Variants in HTT observed in about 807,000 individuals in gnomAD.
HTT encodes huntingtin.
In HTT, 104 loss-of-function variants were observed where a neutral mutation model predicts 362.3. The ratio of observed to expected loss-of-function variants is 0.29; its 90% CI spans 0.24 to 0.34. HTT has a LOEUF of 0.34. Among genes scored for constraint, HTT ranks in the 10% least tolerant of loss-of-function variants. The pLI is 1.00. For synonymous variants in HTT, 1,577 were observed against 1,548.7 expected (o/e 1.02, Z -0.43); for missense variants, 3,301 against 3,928.6 (o/e 0.84, Z 4.27).
In HTT at chr4:3,235,644, G is replaced by A. The variant is rs1193396566; in HGVS notation, c.8651G>A (p.Arg2884His). 20 of 1,613,638 alleles carry A rather than the reference G, an allele frequency of 1.2e-5. No individual in the cohort carries two copies. Among genetic ancestry groups the A allele is most frequent in the Non-Finnish European group, 1.6e-5 (19 of 1,180,008 alleles). Residue 2884 changes from arginine (R) to histidine (H), a missense_variant, in exon 63 of 67, where the codon CGC becomes CAC. By Grantham distance (29) the Arg-to-His change is conservative. Transcript: ENST00000355072. Reference protein sequence around the residue: ...IYHCALRGLERLLLSEQLSRL... With the variant: ...IYHCALRGLEHLLLSEQLSRL... ...CACTGTGCCCTCAGAGGCCTGGAGCGCCTCCTGCTCTCTGAGCAGCTCTCC... is the reference window on the plus strand; with the variant it reads ...CACTGTGCCCTCAGAGGCCTGGAGCACCTCCTGCTCTCTGAGCAGCTCTCC...
At chr4:3,159,584 T>C (rs927225193) in intron 28 of HTT, among the ~76,000 whole-genome samples, 5 of 152,252 alleles carry the variant, frequency 3.3e-5, no homozygotes, top group South Asian at 2.1e-4. Context: ...TTTCAGTTTC[T>C]GTGTCTGTCT....
intron 3 of HTT, among the ~76,000 whole-genome samples, chr4:3,102,247 G>A (rs947615017): frequency 2.0e-5 from 3 of 152,224 alleles, no homozygotes; most frequent in Non-Finnish European, 4.4e-5. Flanking sequence ...GCGGAAGCAG[G>A]GGCAAGAGGG....
intron 37 of HTT, among the ~76,000 whole-genome samples, chr4:3,185,370 C>G (rs959982746): frequency 6.6e-6 from 1 of 152,052 alleles, no homozygotes; most frequent in African/African-American, 2.4e-5. Context: ...TGAGCACAGG[C>G]GAGGGTCCAG....
chr4:3,161,607 C>T (rs1032091269), intron 29 of HTT, among the ~76,000 whole-genome samples: 5 of 152,174 alleles, frequency 3.3e-5, no homozygotes, highest in South Asian at 4.1e-4. Flanking sequence ...TTTTAACGAT[C>T]GCCATCCTAA....
chr4:3,189,123 T>C, intron 40 of HTT, 30 bp downstream of exon 40: 2 of 1,610,230 alleles, frequency 1.2e-6, no homozygotes, highest in East Asian at 2.2e-5. Flanking sequence ...CTTCCTGGAG[T>C]GTCTCGTTCC....
intron 8 of HTT, among the ~76,000 whole-genome samples, chr4:3,120,534 A>G (rs1234302392): frequency 6.6e-6 from 1 of 152,214 alleles, no homozygotes; most frequent in East Asian, 1.9e-4. Flanking sequence ...GCAGGAAGTG[A>G]GCAGCAGGTG....
chr4:3,206,800 C>T lies in HTT; in HGVS notation c.5899-7C>T. 2 of 1,593,650 alleles carry T rather than the reference C, an allele frequency of 1.3e-6. No individual in the cohort carries two copies. Among genetic ancestry groups the T allele is most frequent in the South Asian group, 2.3e-5 (2 of 88,662 alleles). ...TCATCTTTTGTTCTTTTCCTTCTTG[C>T]TGTTAGCCAACCATGCTGAAGAAAA... is the stretch of plus-strand genomic sequence containing the variant. On this transcript the variant is annotated splice_polypyrimidine_tract_variant and splice_region_variant and intron_variant, in intron 43 of 66. Transcript: ENST00000355072. The surrounding 1 kb of genome is among the most constrained non-coding windows in gnomAD (Gnocchi z 4.6).
chr4:3,151,346 GAGA>G (rs1490590236), intron 26 of HTT, among the ~76,000 whole-genome samples: 1 of 152,030 alleles, frequency 6.6e-6, no homozygotes, highest in African/African-American at 2.4e-5. Flanking sequence ...AGGAAAAAGA[GAGA>G]AGGAGAGAGA....
intron 29 of HTT, among the ~76,000 whole-genome samples, chr4:3,162,945 A>G (rs1216984760): frequency 1.3e-5 from 2 of 152,196 alleles, no homozygotes; most frequent in Admixed American, 1.3e-4. Flanking sequence ...TGCGCTGGCC[A>G]GAACTTCCAA....
intron 40 of HTT, among the ~76,000 whole-genome samples, chr4:3,191,897 A>G (rs1355726545): frequency 6.6e-6 from 1 of 152,194 alleles, no homozygotes; most frequent in Non-Finnish European, 1.5e-5. Flanking sequence ...TTTCAGTTGC[A>G]GGGATAAAAC....
At chr4:3,148,263 G>C in intron 26 of HTT, 56 bp downstream of exon 26, 5 of 1,285,520 alleles carry the variant, frequency 3.9e-6, no homozygotes, top group Non-Finnish European at 5.3e-6. Flanking sequence ...TGGGTTTCCA[G>C]ACTACCTTTG....
At chr4:3,192,982 A>T (rs1240457642) in intron 40 of HTT, among the ~76,000 whole-genome samples, 1 of 152,244 alleles carries the variant, frequency 6.6e-6, no homozygotes, top group Non-Finnish European at 1.5e-5. Context: ...TCCTATGAAG[A>T]AGAACAGTAG....
intron 57 of HTT, among the ~76,000 whole-genome samples, chr4:3,226,597 G>A (rs772091867): frequency 6.6e-5 from 10 of 152,370 alleles, no homozygotes; most frequent in South Asian, 2.1e-4. Context: ...CCTCCACCCC[G>A]GTGCTGTGTC....
intron 1 of HTT, among the ~76,000 whole-genome samples, chr4:3,075,415 A>G (rs1712470135): frequency 6.6e-6 from 1 of 152,172 alleles, no homozygotes; most frequent in Non-Finnish European, 1.5e-5. Context: ...TTGGGGCGAG[A>G]ACTTGTTTCT....
chr4:3,082,166 C>G (rs1336738872), intron 1 of HTT, among the ~76,000 whole-genome samples: 1 of 152,118 alleles, frequency 6.6e-6, no homozygotes, highest in East Asian at 1.9e-4. Context: ...ATAGCAGTAC[C>G]TGTAATTCTT....
At chr4:3,165,785 C>T (rs1717673127) in intron 29 of HTT, among the ~76,000 whole-genome samples, 1 of 152,040 alleles carries the variant, frequency 6.6e-6, no homozygotes, top group Non-Finnish European at 1.5e-5. Flanking sequence ...CTCTTCTCTA[C>T]ACTGGTTATT....
At position 3,100,729 on chromosome 4, in the gene HTT, G is replaced by A. The variant is rs545652434; in HGVS notation, c.468+1335G>A. On this transcript the variant is annotated intron_variant, in intron 3 of 66. Transcript: ENST00000355072. ...CTTTTATTCTCACTGGCAGGACCAG[G>A]GCGGTCTGTCTTTGCATGAGACAGG... Among the ~76,000 whole-genome samples the A allele has an allele frequency of 2.6e-5, 4 of 152,248 alleles. No homozygotes were observed. The East Asian group carries it at 7.7e-4, about 29-fold the overall frequency.
In HTT at chr4:3,075,167, C is replaced by A. The variant is rs1013630100; in HGVS notation, c.263+79C>A. Reference sequence around the variant, plus strand: ...GGGATGGCGGTAACCCTGCAGCCTGCGGGCCGGCGACACGAACCCCCGGCC... The same window carrying A: ...GGGATGGCGGTAACCCTGCAGCCTGAGGGCCGGCGACACGAACCCCCGGCC... On this transcript the variant is annotated intron_variant, in intron 1 of 66. Transcript: ENST00000355072. The A allele has an allele frequency of 2.7e-5, 31 of 1,165,212 alleles. No individual in the cohort carries two copies. The Admixed American group carries it at 1.4e-3, about 51-fold the overall frequency. The allele number at this position is 1,165,212 out of a possible 1,614,324, so 72.2% of individuals were successfully genotyped here. A position where few individuals can be genotyped will look rare whatever the true frequency, so the allele number is the denominator to read the frequency against.
Position 3,220,250 on chromosome 4 carries a change from G to T in HTT, c.7311G>T (p.Val2437=). The change falls in exon 53 of 67, where the codon GTG becomes GTT. Residue 2437 remains valine (V), a synonymous_variant. Transcript: ENST00000355072. ...GCACAGCATTCCCTGAGATCCCCGTGGAGTTCCTCCAGGAAAAGGAAGTCT... is the reference window on the plus strand; with the variant it reads ...GCACAGCATTCCCTGAGATCCCCGTTGAGTTCCTCCAGGAAAAGGAAGTCT... ...DFGTAFPEIP[V]EFLQEKEVFK... The T allele has an allele frequency of 6.2e-7, 1 of 1,614,110 alleles. No individual in the cohort carries two copies. The highest frequency in any genetic ancestry group is 8.5e-7 in the Non-Finnish European group (1 of 1,179,986).
Sources: allele counts gnomAD v4.1 joint callset (sites outside exome capture counted in the v4.1 genomes callset), GRCh38; gene constraint gnomAD v4.1.1; non-coding constraint Gnocchi (gnomAD v3.1); transcripts MANE v1.5; gene names NCBI Gene and HGNC (gene_info 2026-07-23, HGNC 2026-07-21).